The following CSMD1 variants were observed in gnomAD, a reference collection of about 807,000 sequenced individuals.
The protein encoded by CSMD1 is CUB and Sushi multiple domains 1.
Under a neutral mutation model 417.5 loss-of-function variants are expected in CSMD1, and 213 were observed. That is an observed-to-expected ratio of 0.51 (90% CI 0.46 to 0.57). CSMD1 has a LOEUF of 0.57. Among genes scored for constraint, CSMD1 ranks in the 20% least tolerant of loss-of-function variants. The probability of loss-of-function intolerance (pLI) is 0.00; values close to 1 mark genes in which losing one functional copy is unlikely to be tolerated. For synonymous variants in CSMD1, 2,862 were observed against 1,736.8 expected (o/e 1.65, Z -16.11); for missense variants, 6,923 against 4,529.7 (o/e 1.53, Z -15.17).
chr8:4,185,876 C>G (rs1184945877), intron 3 of CSMD1, among the ~76,000 whole-genome samples: 1 of 152,160 alleles, frequency 6.6e-6, no homozygotes, highest in Non-Finnish European at 1.5e-5. Flanking sequence ...GGCCTGAGTA[C>G]TAAGATCACG....
chr8:3,371,203 A>C (rs1809924203), intron 18 of CSMD1, among the ~76,000 whole-genome samples: 1 of 152,182 alleles, frequency 6.6e-6, no homozygotes, highest in African/African-American at 2.4e-5. Context: ...TTGGCCTCCC[A>C]AACACATGAG....
chr8:3,745,263 A>C (rs1797011533), intron 6 of CSMD1, among the ~76,000 whole-genome samples: 1 of 152,200 alleles, frequency 6.6e-6, no homozygotes, highest in Non-Finnish European at 1.5e-5. Context: ...GCTCCCCTGG[A>C]GGAGAATATG....
intron 54 of CSMD1, among the ~76,000 whole-genome samples, chr8:2,982,065 T>C (rs536841380): frequency 6.6e-6 from 1 of 152,164 alleles, no homozygotes; most frequent in South Asian, 2.1e-4. Flanking sequence ...CATACGAATA[T>C]GGGTAACAGG....
intron 6 of CSMD1, among the ~76,000 whole-genome samples, chr8:3,719,908 G>T (rs1444671097): frequency 2.0e-5 from 3 of 152,102 alleles, no homozygotes; most frequent in African/African-American, 2.4e-5. Context: ...ACCTTGCCAG[G>T]TTAAAAATGC....
At chr8:3,971,964 G>A (rs763545886) in intron 5 of CSMD1, among the ~76,000 whole-genome samples, 1 of 151,998 alleles carries the variant, frequency 6.6e-6, no homozygotes, top group African/African-American at 2.4e-5. Context: ...CTGGAGTGCA[G>A]TGGGTGATCC....
At chr8:4,384,919 G>A (rs1391545615) in intron 3 of CSMD1, among the ~76,000 whole-genome samples, 3 of 152,166 alleles carry the variant, frequency 2.0e-5, no homozygotes, top group Non-Finnish European at 4.4e-5. Context: ...ATGGCTTCCA[G>A]ATCAAGGTAA....
At chr8:3,843,643 G>A (rs137875728) in intron 5 of CSMD1, among the ~76,000 whole-genome samples, 1 of 152,304 alleles carries the variant, frequency 6.6e-6, no homozygotes, top group Non-Finnish European at 1.5e-5. Flanking sequence ...ACCATGGAAT[G>A]CATTTTCAAA....
rs1022216869 is a variant in CSMD1 at position 4,538,429 on chromosome 8, G to C, written c.302+98913C>G. ...AGGCCGAGGCAGGGAGATCACCTGAGATCAGGAGTTTGAGACCAGCCTGGT... is the reference window on the plus strand; with the variant it reads ...AGGCCGAGGCAGGGAGATCACCTGACATCAGGAGTTTGAGACCAGCCTGGT... On this transcript the variant is annotated intron_variant, in intron 2 of 69. Transcript: ENST00000635120. Among the ~76,000 whole-genome samples, 4 of 152,068 alleles carry C rather than the reference G, an allele frequency of 2.6e-5. No homozygotes were observed. In the South Asian group the frequency reaches 6.2e-4, roughly 24 times the overall value.
At chr8:3,076,720 T>C (rs753627171) in intron 49 of CSMD1, among the ~76,000 whole-genome samples, 2 of 152,236 alleles carry the variant, frequency 1.3e-5, no homozygotes. Flanking sequence ...GGTGAGATGG[T>C]TGAGCCAAAT....
At chr8:3,097,694 T>A (rs932025058) in intron 46 of CSMD1, among the ~76,000 whole-genome samples, 2 of 152,204 alleles carry the variant, frequency 1.3e-5, no homozygotes, top group African/African-American at 4.8e-5. Context: ...GAATTTTTCA[T>A]TTAATATTTT....
chr8:4,836,328 C>A (rs1440333368), intron 1 of CSMD1, among the ~76,000 whole-genome samples: 1 of 152,096 alleles, frequency 6.6e-6, no homozygotes, highest in Non-Finnish European at 1.5e-5. Context: ...AGCAGTGCAC[C>A]ATTTCCATGT....
intron 51 of CSMD1, among the ~76,000 whole-genome samples, chr8:3,024,460 C>T (rs1404731952): frequency 6.6e-6 from 1 of 152,068 alleles, no homozygotes; most frequent in Admixed American, 6.5e-5. Context: ...TACATGCCAC[C>T]ACACGGGACT....
chr8:3,003,989 C>A (rs1486679923), intron 52 of CSMD1, among the ~76,000 whole-genome samples: 1 of 152,180 alleles, frequency 6.6e-6, no homozygotes, highest in Non-Finnish European at 1.5e-5. Flanking sequence ...TAGGTGTCAG[C>A]CCCACTGCGT....
rs1450556018 is a variant in CSMD1, at chr8:3,199,696, AT to A, written c.5194+17del. Reference sequence around the variant, plus strand: ...AAAGACCACAGTGACATGTGGAGACATGTGGAGTGACGCTTACCTTGATACA... The same window carrying A: ...AAAGACCACAGTGACATGTGGAGACAGTGGAGTGACGCTTACCTTGATACA... On this transcript the variant is annotated intron_variant, in intron 33 of 69. Coordinates refer to ENST00000635120, the MANE Select transcript of CSMD1 (RefSeq NM_033225.6). 6.5e-7 allele frequency: 1 copy of A among 1,544,510 alleles called. No homozygotes were observed. The highest frequency in any genetic ancestry group is 2.4e-5 in the East Asian group (1 of 42,398).
At chr8:4,768,669 G>C (rs569659179) in intron 1 of CSMD1, among the ~76,000 whole-genome samples, 1 of 152,252 alleles carries the variant, frequency 6.6e-6, no homozygotes, top group South Asian at 2.1e-4. Context: ...ACAGATGGGA[G>C]GGAAAGGTGT....
intron 1 of CSMD1, among the ~76,000 whole-genome samples, chr8:4,947,364 C>A (rs949800840): frequency 2.0e-5 from 3 of 152,080 alleles, no homozygotes; most frequent in African/African-American, 7.2e-5. Flanking sequence ...AAATTCTCAG[C>A]ACTAATTAAT....
intron 3 of CSMD1, among the ~76,000 whole-genome samples, chr8:4,073,919 C>G (rs1197741270): frequency 1.3e-5 from 2 of 152,036 alleles, no homozygotes; most frequent in Admixed American, 6.6e-5. Context: ...TAGTCTTAAT[C>G]TATACAGACG....
At chr8:3,480,082 G>A (rs991135702) in intron 11 of CSMD1, among the ~76,000 whole-genome samples, 2 of 152,128 alleles carry the variant, frequency 1.3e-5, no homozygotes, top group African/African-American at 4.8e-5. Context: ...AAAGGGGCCG[G>A]GAGTGGTGAC....
chr8:4,475,553 C>A (rs756878435), intron 2 of CSMD1, among the ~76,000 whole-genome samples: 1 of 152,110 alleles, frequency 6.6e-6, no homozygotes, highest in Non-Finnish European at 1.5e-5. Context: ...ATCTTGCAAC[C>A]TATACGTCTT....
Sources: allele counts gnomAD v4.1 joint callset (sites outside exome capture counted in the v4.1 genomes callset), GRCh38; gene constraint gnomAD v4.1.1; transcripts MANE v1.5; gene names NCBI Gene and HGNC (gene_info 2026-07-23, HGNC 2026-07-21).